Variants in PHACTR1 observed in about 807,000 individuals in gnomAD.
PHACTR1 encodes phosphatase and actin regulator 1.
In PHACTR1, 16 loss-of-function variants were observed where a neutral mutation model predicts 69.2. The ratio of observed to expected loss-of-function variants is 0.23; its 90% CI spans 0.16 to 0.35. The LOEUF is 0.35. Among genes scored for constraint, PHACTR1 ranks in the 10% least tolerant of loss-of-function variants. The probability of loss-of-function intolerance (pLI) is 1.00; values close to 1 mark genes in which losing one functional copy is unlikely to be tolerated. For missense variants in PHACTR1, 510 were observed against 734.7 expected (o/e 0.69, Z 3.54); for synonymous variants, 312 against 284.5 (o/e 1.10, Z -0.97).
chr6:12,767,816 A>G (rs151083818), intron 4 of PHACTR1, among the ~76,000 whole-genome samples: 177 of 152,354 alleles, frequency 1.2e-3, no homozygotes, highest in Non-Finnish European at 2.0e-3. Flanking sequence ...GGAGAATTCC[A>G]GGAAAAATGA....
At chr6:13,206,243 A>G (rs560474742) in intron 8 of PHACTR1, 107 bp downstream of exon 8, 12 of 1,159,516 alleles carry the variant, frequency 1.0e-5, no homozygotes, top group Non-Finnish European at 1.4e-5. Context: ...GGTCATCCCC[A>G]CTGGGGGAAA....
chr6:13,284,578 G>GTATA (rs10611107), intron 13 of PHACTR1, among the ~76,000 whole-genome samples: 2,675 of 97,772 alleles, frequency 0.027, 49 homozygotes, highest in East Asian at 0.081. Context: ...ATAGATACAC[G>GTATA]TATATATATA....
At chr6:13,162,650 A>G (rs1453923069) in intron 6 of PHACTR1, among the ~76,000 whole-genome samples, 1 of 152,228 alleles carries the variant, frequency 6.6e-6, no homozygotes, top group Non-Finnish European at 1.5e-5. Flanking sequence ...ATACATGTAC[A>G]GTAGCATTTA....
chr6:13,020,674 G>A (rs1190497551), intron 4 of PHACTR1, among the ~76,000 whole-genome samples: 1 of 152,182 alleles, frequency 6.6e-6, no homozygotes, highest in Non-Finnish European at 1.5e-5. Flanking sequence ...GGCATTGAAT[G>A]CTGCTCTTCC....
At chr6:13,190,923 T>C (rs1036667155) in intron 7 of PHACTR1, among the ~76,000 whole-genome samples, 1 of 152,168 alleles carries the variant, frequency 6.6e-6, no homozygotes, top group Non-Finnish European at 1.5e-5. Context: ...CCCCAGCATG[T>C]GTACCTGTGT....
At chr6:13,011,073 G>A (rs776567995) in intron 4 of PHACTR1, among the ~76,000 whole-genome samples, 2 of 152,166 alleles carry the variant, frequency 1.3e-5, no homozygotes, top group Non-Finnish European at 2.9e-5. Flanking sequence ...ATAAGAGATG[G>A]CACTTCTTAG....
chr6:13,284,237 G>A (rs1028465816), intron 13 of PHACTR1, among the ~76,000 whole-genome samples: 6 of 151,968 alleles, frequency 3.9e-5, no homozygotes, highest in Non-Finnish European at 7.4e-5. Flanking sequence ...TAGTCTGTGC[G>A]CCAGGCACAG....
rs144313630 is a variant in PHACTR1 at position 12,933,680 on chromosome 6, G to A, written c.251-119685G>A. ...GGATGAAGCAAGAATGGGACCAGCA[G>A]TGCCAACTCTTGGGCGTCCTCTTGG... On this transcript the variant is annotated intron_variant, in intron 4 of 14. Transcript: ENST00000332995. 5,976 of 1,612,844 alleles carry A rather than the reference G, an allele frequency of 3.7e-3. 30 individuals carry two copies. Among genetic ancestry groups the A allele is most frequent in the South Asian group, 0.015 (1,336 of 91,090 alleles).
intron 4 of PHACTR1, among the ~76,000 whole-genome samples, chr6:12,935,237 A>ATTTTAT (rs926873791): frequency 6.6e-6 from 1 of 151,984 alleles, no homozygotes; most frequent in Non-Finnish European, 1.5e-5. Flanking sequence ...CACTGATGTT[A>ATTTTAT]TTTTATTTTT....
At position 13,239,158 on chromosome 6, in the gene PHACTR1, G is replaced by C. The variant is rs554966218; in HGVS notation, c.1391+8965G>C. On this transcript the variant is annotated intron_variant, in intron 10 of 14. Coordinates refer to ENST00000332995, the MANE Select transcript of PHACTR1 (RefSeq NM_030948.6). ...CAAAGCCTGGGTGGGGGTGGCTCAGGCCAGGGAGACTTCCCATAAAACTGG... is the reference window on the plus strand; with the variant it reads ...CAAAGCCTGGGTGGGGGTGGCTCAGCCCAGGGAGACTTCCCATAAAACTGG... 1.8e-3 allele frequency among the ~76,000 whole-genome samples: 272 copies of C among 152,284 alleles called. 1 individual carries two copies. The highest frequency in any genetic ancestry group is 6.1e-3 in the African/African-American group (255 of 41,554).
At chr6:13,269,553 G>A (rs1777328348) in intron 10 of PHACTR1, among the ~76,000 whole-genome samples, 1 of 152,190 alleles carries the variant, frequency 6.6e-6, no homozygotes, top group South Asian at 2.1e-4. Context: ...AACTTTGACT[G>A]GGAGCAGTGG....
At chr6:12,748,135 C>G (rs1316048813) in intron 3 of PHACTR1, among the ~76,000 whole-genome samples, 1 of 152,030 alleles carries the variant, frequency 6.6e-6, no homozygotes, top group Non-Finnish European at 1.5e-5. Context: ...GACTGATGGC[C>G]AGGAGTTCCA....
At chr6:12,801,576 G>T (rs1421905557) in intron 4 of PHACTR1, among the ~76,000 whole-genome samples, 1 of 152,172 alleles carries the variant, frequency 6.6e-6, no homozygotes, top group African/African-American at 2.4e-5. Flanking sequence ...GAAGGGGGAG[G>T]AATTAATTGC....
intron 7 of PHACTR1, among the ~76,000 whole-genome samples, chr6:13,202,290 A>G (rs935176381): frequency 9.9e-5 from 15 of 152,182 alleles, no homozygotes; most frequent in Non-Finnish European, 1.8e-4. Flanking sequence ...GCAGAACTCA[A>G]TATAATCACT....
At chr6:12,872,663 C>T (rs1046284938) in intron 4 of PHACTR1, among the ~76,000 whole-genome samples, 4 of 152,132 alleles carry the variant, frequency 2.6e-5, no homozygotes, top group African/African-American at 9.7e-5. Context: ...CCTTTCAGTC[C>T]TGTAGTTTGT....
chr6:12,786,029 A>G (rs144984878), intron 4 of PHACTR1, among the ~76,000 whole-genome samples: 58 of 152,292 alleles, frequency 3.8e-4, no homozygotes, highest in African/African-American at 1.3e-3. Context: ...GGAAAATAAA[A>G]ACTTCTTCCC....
intron 4 of PHACTR1, among the ~76,000 whole-genome samples, chr6:12,788,605 T>C (rs748786001): frequency 2.6e-5 from 4 of 152,220 alleles, no homozygotes; most frequent in Non-Finnish European, 4.4e-5. Context: ...TATCAAAATA[T>C]TAATAAAGTG....
chr6:12,761,239 G>A (rs1767991904), intron 4 of PHACTR1, among the ~76,000 whole-genome samples: 1 of 152,248 alleles, frequency 6.6e-6, no homozygotes, highest in African/African-American at 2.4e-5. Context: ...GACAGCTTTA[G>A]ATGTCTAGCT....
At chr6:13,086,382 T>C (rs1183095716) in intron 5 of PHACTR1, among the ~76,000 whole-genome samples, 4 of 152,142 alleles carry the variant, frequency 2.6e-5, no homozygotes, top group Non-Finnish European at 4.4e-5. Context: ...CCCGTTTTCA[T>C]GTACAGTTTT....
Sources: allele counts gnomAD v4.1 joint callset (sites outside exome capture counted in the v4.1 genomes callset), GRCh38; gene constraint gnomAD v4.1.1; transcripts MANE v1.5; gene names NCBI Gene and HGNC (gene_info 2026-07-23, HGNC 2026-07-21).